FBP2: variants seen among roughly 807,000 people sequenced by gnomAD.
The protein encoded by FBP2 is fructose-bisphosphatase 2.
FBP2 carries 27 observed loss-of-function variants against 31.6 expected under a neutral mutation model. That is an observed-to-expected ratio of 0.85 (90% confidence interval 0.63 to 1.18). The LOEUF (loss-of-function observed/expected upper bound fraction) is 1.18, where lower values mean the gene tolerates loss of function less well. FBP2 is among the 50% of genes most tolerant of loss of function. FBP2 has a pLI of 0.00. For synonymous variants in FBP2, 168 were observed against 179.8 expected (o/e 0.93, Z 0.53); for missense variants, 421 against 436.1 (o/e 0.97, Z 0.31).
intron 3 of FBP2, 95 bp from the exon 4 acceptor site, chr9:94,571,697 A>G: frequency 8.6e-7 from 1 of 1,158,572 alleles, no homozygotes; most frequent in Non-Finnish European, 1.2e-6. Context: ...CGAATCACTG[A>G]AGGAAGCGCG....
In FBP2 at chr9:94,559,121, C is replaced by T. The variant is rs1342915155; in HGVS notation, c.837G>A (p.Leu279=). The T allele has an allele frequency of 5.6e-6, 9 of 1,611,620 alleles. No homozygotes were observed. Among genetic ancestry groups the T allele is most frequent in the Non-Finnish European group, 7.6e-6 (9 of 1,178,758 alleles). Residue 279 remains leucine (L), a synonymous_variant, in exon 7 of 7, where the codon CTG becomes CTA. Coordinates refer to ENST00000375337, the MANE Select transcript of FBP2 (RefSeq NM_003837.4). ...TGTAGGCCACGGGATTGCATTCATACAGGAGCCGGAGCTGTGGAGGAACAG... is the reference window on the plus strand; with the variant it reads ...TGTAGGCCACGGGATTGCATTCATATAGGAGCCGGAGCTGTGGAGGAACAG... The part of the protein sequence containing the change: ...QKSPKGKLRL[L]YECNPVAYII...
rs1329518163 is a variant in FBP2, at chr9:94,584,456, A to G, written c.426+121T>C. ...AGAGAAAAGTTGGTGGTTTGCCTAC[A>G]GTGGCTTTTCTCGTTAGTGGGAAGA... On this transcript the variant is annotated intron_variant, in intron 3 of 6. Transcript: ENST00000375337. 4 of 670,752 alleles carry G rather than the reference A, an allele frequency of 6.0e-6. No individual in the cohort carries two copies. In the East Asian group the frequency reaches 1.1e-4, roughly 18 times the overall value. 41.6% of individuals were successfully genotyped at this position (670,752 alleles called of 1,614,324 possible).
chr9:94,591,479 G>A (rs1309194633), intron 1 of FBP2, among the ~76,000 whole-genome samples: 2 of 151,882 alleles, frequency 1.3e-5, no homozygotes, highest in Non-Finnish European at 3.0e-5. Flanking sequence ...AACTCCAGCT[G>A]GCCCGCAAGC....
intron 4 of FBP2, chr9:94,568,794 C>T (rs758709927): frequency 3.3e-5 from 5 of 152,178 alleles, no homozygotes; most frequent in Non-Finnish European, 4.4e-5. Context: ...TGACTTCAAT[C>T]TCTCTGCCTC....
chr9:94,588,248 G>A (rs1263825558), intron 1 of FBP2, among the ~76,000 whole-genome samples: 2 of 152,202 alleles, frequency 1.3e-5, no homozygotes, highest in Non-Finnish European at 2.9e-5. Flanking sequence ...TACTTGAACT[G>A]AGAAGGAAAT....
At chr9:94,571,350 G>T in intron 4 of FBP2, 112 bp downstream of exon 4, 1 of 1,166,930 alleles carries the variant, frequency 8.6e-7, no homozygotes, top group South Asian at 2.3e-5. Flanking sequence ...AGGACCCCTG[G>T]TCCCCAAAAC....
intron 3 of FBP2, among the ~76,000 whole-genome samples, chr9:94,578,200 AT>A (rs1827335471): frequency 6.6e-6 from 1 of 152,194 alleles, no homozygotes; most frequent in Admixed American, 6.5e-5. Flanking sequence ...TCTTTGTGTA[AT>A]TTTTTTGACA....
At chr9:94,572,682 C>A (rs1003215843) in intron 3 of FBP2, among the ~76,000 whole-genome samples, 8 of 152,042 alleles carry the variant, frequency 5.3e-5, no homozygotes, top group African/African-American at 1.9e-4. Context: ...ATCCAGTCCA[C>A]AGATATTGCA....
Position 94,571,557 on chromosome 9 carries a change from G to A in FBP2, c.472C>T (p.Arg158Cys), listed in dbSNP as rs759228397. The change falls in exon 4 of 7, where the codon CGC becomes TGC. Residue 158 changes from arginine (R) to cysteine (C), a missense_variant. Coordinates refer to ENST00000375337, the MANE Select transcript of FBP2 (RefSeq NM_003837.4). ...GCATAACCTGCGGCCACAATATTGC[G>A]GCCACACTGCAGGGCATCCTTTTCA... ...PSEKDALQCG[R>C]NIVAAGYALY... 2.0e-5 allele frequency: 32 copies of A among 1,613,736 alleles called. 1 individual carries two copies. The highest frequency in any genetic ancestry group is 1.2e-4 in the South Asian group (11 of 91,014).
intron 4 of FBP2, chr9:94,567,723 T>C (rs1827212382): frequency 3.5e-6 from 1 of 282,328 alleles, no homozygotes; most frequent in South Asian, 8.8e-5. Context: ...TGAACCCAAC[T>C]GTGTGTATCT....
At chr9:94,571,634 A>G (rs1827271580) in intron 3 of FBP2, 32 bp from the exon 4 acceptor site, 1 of 1,590,194 alleles carries the variant, frequency 6.3e-7, no homozygotes, top group Admixed American at 1.7e-5. Context: ...GCCATGTGTT[A>G]TTGTTGTCTC....
At position 94,562,168 on chromosome 9, in the gene FBP2, A is replaced by G. The variant is rs564087528; in HGVS notation, c.825+1174T>C. Among the ~76,000 whole-genome samples the G allele has an allele frequency of 2.1e-4, 32 of 152,040 alleles. 1 individual carries two copies. The East Asian group carries it at 2.3e-3, about 11-fold the overall frequency. On this transcript the variant is annotated intron_variant, in intron 6 of 6. Coordinates refer to ENST00000375337, the MANE Select transcript of FBP2 (RefSeq NM_003837.4). Reference sequence around the variant, plus strand: ...CTACTAAAAATACAAAAAATTAGCCAGGCGTGGTGGCGGGCGCCTGTAGTC... The same window carrying G: ...CTACTAAAAATACAAAAAATTAGCCGGGCGTGGTGGCGGGCGCCTGTAGTC...
At chr9:94,578,162 G>C (rs1353623846) in intron 3 of FBP2, among the ~76,000 whole-genome samples, 1 of 152,212 alleles carries the variant, frequency 6.6e-6, no homozygotes, top group Non-Finnish European at 1.5e-5. Context: ...AAGATTGTAA[G>C]ATTATAACCC....
chr9:94,572,289 G>C (rs1827277888), intron 3 of FBP2, among the ~76,000 whole-genome samples: 1 of 152,092 alleles, frequency 6.6e-6, no homozygotes, highest in African/African-American at 2.4e-5. Context: ...ACTCTTAGCT[G>C]CTACATTTGT....
At chr9:94,563,607 A>T (rs1827142323) in intron 5 of FBP2, 146 bp from the exon 6 acceptor site, 2 of 870,074 alleles carry the variant, frequency 2.3e-6, no homozygotes, top group Non-Finnish European at 3.5e-6. Flanking sequence ...AAAAGATTAT[A>T]TAATTGTGCA....
intron 3 of FBP2, among the ~76,000 whole-genome samples, chr9:94,575,755 G>A (rs1827309236): frequency 6.6e-6 from 1 of 152,154 alleles, no homozygotes; most frequent in African/African-American, 2.4e-5. Flanking sequence ...CAGTTTCTTT[G>A]CCAACACTTG....
intron 5 of FBP2, 111 bp from the exon 6 acceptor site, chr9:94,563,572 C>T (rs1649528086): frequency 3.5e-6 from 4 of 1,153,734 alleles, no homozygotes; most frequent in Middle Eastern, 2.0e-4. Context: ...GAATCCCTAT[C>T]CTCCACCCAC....
intron 1 of FBP2, among the ~76,000 whole-genome samples, chr9:94,591,423 G>A (rs935885860): frequency 3.3e-5 from 5 of 152,240 alleles, no homozygotes; most frequent in African/African-American, 1.2e-4. Flanking sequence ...CAGCAGGGCT[G>A]GCTGGCTGCT....
At chr9:94,582,110 G>A (rs1827377202) in intron 3 of FBP2, among the ~76,000 whole-genome samples, 1 of 152,196 alleles carries the variant, frequency 6.6e-6, no homozygotes, top group African/African-American at 2.4e-5. Context: ...CTAAATTTCA[G>A]TAGCTCTCCT....
Sources: allele counts gnomAD v4.1 joint callset (sites outside exome capture counted in the v4.1 genomes callset), GRCh38; gene constraint gnomAD v4.1.1; transcripts MANE v1.5; gene names NCBI Gene and HGNC (gene_info 2026-07-23, HGNC 2026-07-21).